Variants in SLCO1B3 observed in about 807,000 individuals in gnomAD.
The protein encoded by SLCO1B3 is solute carrier organic anion transporter family member 1B3.
In SLCO1B3, 72 loss-of-function variants were observed where a neutral mutation model predicts 71.8. That is an observed-to-expected ratio of 1.00 (90% CI 0.83 to 1.22). The LOEUF (loss-of-function observed/expected upper bound fraction) is 1.22, where lower values mean the gene tolerates loss of function less well. Ranked by LOEUF, SLCO1B3 falls within the 50% of genes most tolerant of loss-of-function variation. SLCO1B3 has a pLI of 0.00. For synonymous variants in SLCO1B3, 298 were observed against 278.4 expected (o/e 1.07, Z -0.70); for missense variants, 911 against 819.7 (o/e 1.11, Z -1.36).
intron 9 of SLCO1B3, among the ~76,000 whole-genome samples, chr12:20,876,358 A>T (rs185853721): frequency 2.0e-5 from 3 of 152,298 alleles, no homozygotes; most frequent in Non-Finnish European, 2.9e-5. Context: ...AGAAATGGTG[A>T]AGTAGTAAAA....
At chr12:20,836,734 C>T (rs1591753010) in intron 3 of SLCO1B3, among the ~76,000 whole-genome samples, 1 of 152,210 alleles carries the variant, frequency 6.6e-6, no homozygotes, top group East Asian at 1.9e-4. Context: ...CTCTGCCTCC[C>T]TGGTTCATGC....
chr12:20,879,320 T>G (rs889080743), intron 10 of SLCO1B3, 116 bp from the exon 11 acceptor site: 4 of 712,302 alleles, frequency 5.6e-6, no homozygotes, highest in Non-Finnish European at 8.6e-6. Flanking sequence ...CACCCTTCTC[T>G]TAAAGAAATA....
intron 15 of SLCO1B3, among the ~76,000 whole-genome samples, chr12:20,909,381 G>A (rs1181362643): frequency 6.8e-6 from 1 of 147,896 alleles, no homozygotes; most frequent in Non-Finnish European, 1.5e-5. Flanking sequence ...CGCCATGTTA[G>A]CCAGGATGGT....
intron 13 of SLCO1B3, among the ~76,000 whole-genome samples, chr12:20,898,083 T>C (rs1866051536): frequency 6.6e-6 from 1 of 152,178 alleles, no homozygotes; most frequent in South Asian, 2.1e-4. Context: ...ATATAATCCT[T>C]TAATAGGAGG....
intron 10 of SLCO1B3, 144 bp downstream of exon 10, chr12:20,878,080 T>A: frequency 3.7e-6 from 2 of 540,552 alleles, no homozygotes; most frequent in Non-Finnish European, 6.3e-6. Flanking sequence ...AATTTCTCCA[T>A]CTTGTAATAT....
At chr12:20,810,848 G>A (rs931662369) in intron 1 of SLCO1B3, 84 bp downstream of exon 1, 2 of 152,102 alleles carry the variant, frequency 1.3e-5, no homozygotes, top group African/African-American at 4.8e-5. Flanking sequence ...GTTTTTGGTA[G>A]TTATGATAAA....
chr12:20,880,178 CATA>C (rs1186963132), intron 11 of SLCO1B3, among the ~76,000 whole-genome samples: 1 of 150,906 alleles, frequency 6.6e-6, no homozygotes, highest in Non-Finnish European at 1.5e-5. Context: ...TAATTTTAGT[CATA>C]ATATAAAATT....
At chr12:20,859,347 A>C (rs1228756234) in intron 5 of SLCO1B3, among the ~76,000 whole-genome samples, 1 of 152,186 alleles carries the variant, frequency 6.6e-6, no homozygotes, top group Non-Finnish European at 1.5e-5. Flanking sequence ...CCGTATTTCC[A>C]GCTAAAAAAA....
intron 3 of SLCO1B3, among the ~76,000 whole-genome samples, chr12:20,842,795 T>C (rs1407611198): frequency 1.6e-4 from 25 of 152,230 alleles, no homozygotes; most frequent in Admixed American, 1.6e-3. Flanking sequence ...AGGCAAATAC[T>C]GTAGCATATT....
At chr12:20,845,640 A>G (rs59737088) in intron 3 of SLCO1B3, among the ~76,000 whole-genome samples, 4,228 of 148,102 alleles carry the variant, frequency 0.029, 207 homozygotes, top group African/African-American at 0.097. Flanking sequence ...GTGATGTATC[A>G]TATGATCTAT....
At position 20,859,772 on chromosome 12, in the gene SLCO1B3, A is replaced by G. The variant is rs191290442; in HGVS notation, c.359+1201A>G. Among the ~76,000 whole-genome samples the G allele has an allele frequency of 7.9e-5, 12 of 152,108 alleles. No homozygotes were observed. In the East Asian group the frequency reaches 1.7e-3, roughly 22 times the overall value. On this transcript the variant is annotated intron_variant, in intron 5 of 15. Coordinates refer to ENST00000381545, the MANE Select transcript of SLCO1B3 (RefSeq NM_019844.4). ...TTTGAGGACCACATTCTAGGCTTACAGTTCTCTAATGTGCCATAATATGTC... is the reference window on the plus strand; with the variant it reads ...TTTGAGGACCACATTCTAGGCTTACGGTTCTCTAATGTGCCATAATATGTC...
At chr12:20,886,864 C>A (rs1478490892) in intron 13 of SLCO1B3, among the ~76,000 whole-genome samples, 1 of 151,980 alleles carries the variant, frequency 6.6e-6, no homozygotes, top group Non-Finnish European at 1.5e-5. Context: ...CCCTCCCACT[C>A]CCTTCCACCC....
chr12:20,907,602 G>A (rs1866278076), intron 15 of SLCO1B3, among the ~76,000 whole-genome samples: 1 of 150,138 alleles, frequency 6.7e-6, no homozygotes, highest in Non-Finnish European at 1.5e-5. Context: ...TCCGACTCCT[G>A]GGTTCAAGCA....
intron 13 of SLCO1B3, among the ~76,000 whole-genome samples, chr12:20,898,228 C>CATTT (rs1175330233): frequency 6.6e-6 from 1 of 152,026 alleles, no homozygotes; most frequent in African/African-American, 2.4e-5. Context: ...AATCATAAAG[C>CATTT]ATTTAATAAA....
At chr12:20,850,259 TA>T (rs1162231726) in intron 3 of SLCO1B3, among the ~76,000 whole-genome samples, 9 of 119,300 alleles carry the variant, frequency 7.5e-5, no homozygotes, top group Admixed American at 1.6e-4. Context: ...ATTATTATTT[TA>T]TTTATTTATT....
intron 6 of SLCO1B3, 95 bp from the exon 7 acceptor site, chr12:20,862,317 C>CA (rs1865282614): frequency 7.3e-7 from 1 of 1,367,758 alleles, no homozygotes; most frequent in Non-Finnish European, 1.0e-6. Flanking sequence ...AACAAACAAA[C>CA]AAAAAATGGA....
rs1340221668 is a variant in SLCO1B3, at chr12:20,815,681, T to A, written c.-58T>A. 8.5e-7 allele frequency: 1 copy of A among 1,180,720 alleles called. No individual in the cohort carries two copies. Among genetic ancestry groups the A allele is most frequent in the Non-Finnish European group, 1.2e-6 (1 of 802,452 alleles). The allele number at this position is 1,180,720 out of a possible 1,614,324, so 73.1% of individuals were successfully genotyped here. On this transcript the variant is annotated 5_prime_UTR_variant, in exon 3 of 16. Transcript: ENST00000381545. ...CTTTTTCTTTTTTAACAGGTGATCATTTCAAACCAAGCATCAGCAACAATT... is the reference window on the plus strand; with the variant it reads ...CTTTTTCTTTTTTAACAGGTGATCAATTCAAACCAAGCATCAGCAACAATT...
At chr12:20,824,299 A>G (rs902748548) in intron 3 of SLCO1B3, among the ~76,000 whole-genome samples, 8 of 152,226 alleles carry the variant, frequency 5.3e-5, no homozygotes. Context: ...CATGCAATTA[A>G]CTCCATGTTC....
At chr12:20,860,323 G>A (rs991965458) in intron 5 of SLCO1B3, among the ~76,000 whole-genome samples, 10 of 151,954 alleles carry the variant, frequency 6.6e-5, no homozygotes, top group African/African-American at 2.4e-4. Context: ...CTATATCTTC[G>A]ATCATACACA....
Sources: allele counts gnomAD v4.1 joint callset (sites outside exome capture counted in the v4.1 genomes callset), GRCh38; gene constraint gnomAD v4.1.1; transcripts MANE v1.5; gene names NCBI Gene and HGNC (gene_info 2026-07-23, HGNC 2026-07-21).